Variants in HS3ST2 observed in about 807,000 individuals in gnomAD.
HS3ST2 encodes heparan sulfate glucosamine 3-O-sulfotransferase 2.
HS3ST2 carries 17 observed loss-of-function variants against 26.3 expected under a neutral mutation model. The observed-to-expected ratio is 0.65, with a 90% CI of 0.44 to 0.97. HS3ST2 has a LOEUF of 0.97. HS3ST2 is among the 50% of genes least tolerant of loss of function. HS3ST2 has a pLI of 0.00. For missense variants in HS3ST2, 402 were observed against 501.2 expected (o/e 0.80, Z 1.89); for synonymous variants, 237 against 219.2 (o/e 1.08, Z -0.72).
At chr16:22,816,315 T>G (rs7188185) in intron 1 of HS3ST2, among the ~76,000 whole-genome samples, 8,543 of 152,268 alleles carry the variant, frequency 0.056, 763 homozygotes, top group African/African-American at 0.19. Context: ...ATCTACAGCT[T>G]TAGGCAGTAG....
chr16:22,829,242 G>A lies in HS3ST2; in HGVS notation c.485+14147G>A, dbSNP rs372795646. Reference sequence around the variant, plus strand: ...TGGAGAAGCAGTTGGAAGTAGTGACGGCATCACAAACTCAACATCCTTAGG... The same window carrying A: ...TGGAGAAGCAGTTGGAAGTAGTGACAGCATCACAAACTCAACATCCTTAGG... On this transcript the variant is annotated intron_variant, in intron 1 of 1. Coordinates refer to ENST00000261374, the MANE Select transcript of HS3ST2 (RefSeq NM_006043.2). Among the ~76,000 whole-genome samples the A allele has an allele frequency of 1.1e-4, 16 of 152,144 alleles. 1 individual carries two copies. The East Asian group carries it at 1.3e-3, about 13-fold the overall frequency.
chr16:22,873,570 C>T (rs1209520660), intron 1 of HS3ST2, among the ~76,000 whole-genome samples: 3 of 152,128 alleles, frequency 2.0e-5, no homozygotes, highest in Admixed American at 6.5e-5. Context: ...TACAAATGAC[C>T]ATTCTGGGAT....
Position 22,814,644 on chromosome 16 carries a change from C to T in HS3ST2, c.34C>T (p.Pro12Ser). Residue 12 changes from proline (P) to serine (S), a missense_variant, in exon 1 of 2, where the codon CCT becomes TCT. Physicochemically the swap from Pro to Ser is moderately conservative, Grantham distance 74. Coordinates refer to ENST00000261374, the MANE Select transcript of HS3ST2 (RefSeq NM_006043.2). ...TAGGGTCCTGGGCCGCGCGGGGCCA[C>T]CTCAGCCGCGGAGGGCGCGCAGGCT... ...AYRVLGRAGP[P>S]QPRRARRLLF... is the part of the protein sequence containing the mutation. 1 of 1,557,242 alleles carries T rather than the reference C, an allele frequency of 6.4e-7. No homozygotes were observed. The highest frequency in any genetic ancestry group is 8.7e-7 in the Non-Finnish European group (1 of 1,152,202).
chr16:22,906,082 G>T (rs565835915), intron 1 of HS3ST2, among the ~76,000 whole-genome samples: 1 of 152,200 alleles, frequency 6.6e-6, no homozygotes, highest in African/African-American at 2.4e-5. Context: ...TTTTAAAATT[G>T]CAGGTACCAG....
intron 1 of HS3ST2, among the ~76,000 whole-genome samples, chr16:22,824,973 C>T (rs911315077): frequency 1.1e-4 from 16 of 152,158 alleles, no homozygotes; most frequent in African/African-American, 3.4e-4. Context: ...TTTTAGGAAG[C>T]ATACAAAGAC....
At chr16:22,867,513 TAAACAAG>T (rs1901773746) in intron 1 of HS3ST2, among the ~76,000 whole-genome samples, 1 of 151,970 alleles carries the variant, frequency 6.6e-6, no homozygotes, top group Non-Finnish European at 1.5e-5. Context: ...TTATGACATA[TAAACAAG>T]AAAGAGATAA....
At chr16:22,832,024 C>T (rs1383864282) in intron 1 of HS3ST2, among the ~76,000 whole-genome samples, 9 of 151,880 alleles carry the variant, frequency 5.9e-5, no homozygotes, top group African/African-American at 2.2e-4. Context: ...ATTCTGTTGC[C>T]CAGGCTGGAG....
At chr16:22,859,907 AG>A (rs1326806590) in intron 1 of HS3ST2, among the ~76,000 whole-genome samples, 1 of 152,034 alleles carries the variant, frequency 6.6e-6, no homozygotes, top group East Asian at 1.9e-4. Context: ...GCAGAATGGG[AG>A]GGGTCTGAGC....
chr16:22,866,369 CGTGTGTGTGTGTGTGTGTGTGT>C (rs55757233), intron 1 of HS3ST2, among the ~76,000 whole-genome samples: 1 of 143,744 alleles, frequency 7.0e-6, no homozygotes, highest in African/African-American at 2.6e-5. Flanking sequence ...ATATGGTGTG[CGTGTGTGTGTGTGTGTGTGTGT>C]GTGTGTGTGT....
chr16:22,818,816 T>C (rs1356930860), intron 1 of HS3ST2, among the ~76,000 whole-genome samples: 1 of 16,852 alleles, frequency 5.9e-5, no homozygotes, highest in African/African-American at 3.6e-4. Context: ...CTTCCTTCCT[T>C]CCTTCCTTCC....
chr16:22,884,679 A>ATAT (rs1567496476), intron 1 of HS3ST2, among the ~76,000 whole-genome samples: 8 of 136,532 alleles, frequency 5.9e-5, no homozygotes, highest in African/African-American at 2.3e-4. Context: ...TATATATATT[A>ATAT]TATATATATA....
chr16:22,887,292 A>C (rs1902073432), intron 1 of HS3ST2, among the ~76,000 whole-genome samples: 1 of 152,192 alleles, frequency 6.6e-6, no homozygotes, highest in African/African-American at 2.4e-5. Flanking sequence ...TATTTCTCAC[A>C]GTTTTGGAGG....
intron 1 of HS3ST2, among the ~76,000 whole-genome samples, chr16:22,893,225 A>G (rs1902153687): frequency 6.6e-6 from 1 of 152,172 alleles, no homozygotes; most frequent in Non-Finnish European, 1.5e-5. Flanking sequence ...TCAAATTATA[A>G]TAAGGTTAAA....
chr16:22,851,044 A>G (rs1901512147), intron 1 of HS3ST2, among the ~76,000 whole-genome samples: 2 of 152,124 alleles, frequency 1.3e-5, no homozygotes, highest in South Asian at 2.1e-4. Flanking sequence ...CTTCCTGCAC[A>G]TGGCAGCTGG....
In HS3ST2 at chr16:22,865,652, T is replaced by C. The variant is rs575375011; in HGVS notation, c.486-49292T>C. Among the ~76,000 whole-genome samples, 11 of 152,280 alleles carry C rather than the reference T, an allele frequency of 7.2e-5. No individual in the cohort carries two copies. In the East Asian group the frequency reaches 2.1e-3, roughly 29 times the overall value. On this transcript the variant is annotated intron_variant, in intron 1 of 1. Coordinates refer to ENST00000261374, the MANE Select transcript of HS3ST2 (RefSeq NM_006043.2). ...GGCTATTTATGCTGTTTCAGAAATA[T>C]AAAAAATATACTTCCTTGTTTATTT... is the stretch of plus-strand genomic sequence containing the variant.
intron 1 of HS3ST2, among the ~76,000 whole-genome samples, chr16:22,895,050 C>T (rs901556075): frequency 2.0e-5 from 3 of 150,514 alleles, no homozygotes; most frequent in African/African-American, 7.3e-5. Flanking sequence ...TGAATTGGTC[C>T]CTTCTTCTTT....
chr16:22,864,908 G>A (rs377367786), intron 1 of HS3ST2, among the ~76,000 whole-genome samples: 27 of 107,038 alleles, frequency 2.5e-4, no homozygotes, highest in East Asian at 6.6e-4. Flanking sequence ...AAAAATAGCC[G>A]GGCATGGTGG....
At chr16:22,882,229 G>C in intron 1 of HS3ST2, among the ~76,000 whole-genome samples, 1 of 152,122 alleles carries the variant, frequency 6.6e-6, no homozygotes, top group East Asian at 1.9e-4. Context: ...AGGCATGGCG[G>C]TGCACACCTG....
intron 1 of HS3ST2, among the ~76,000 whole-genome samples, chr16:22,839,193 T>C (rs112758778): frequency 0.018 from 2,722 of 152,318 alleles, 81 homozygotes; most frequent in African/African-American, 0.061. Context: ...AAAAGATTGA[T>C]AAATATTTGT....
Sources: allele counts gnomAD v4.1 joint callset (sites outside exome capture counted in the v4.1 genomes callset), GRCh38; gene constraint gnomAD v4.1.1; transcripts MANE v1.5; gene names NCBI Gene and HGNC (gene_info 2026-07-23, HGNC 2026-07-21).